Variants in XKR4 observed in about 807,000 individuals in gnomAD.
The protein encoded by XKR4 is XK-related protein 4.
In XKR4, 12 loss-of-function variants were observed where a neutral mutation model predicts 53.9. That is an observed-to-expected ratio of 0.22 (90% CI 0.14 to 0.36). The LOEUF (loss-of-function observed/expected upper bound fraction) is 0.36. Among genes scored for constraint, XKR4 ranks in the 10% least tolerant of loss-of-function variants. The pLI is 1.00. For missense variants in XKR4, 799 were observed against 859.5 expected, an observed-to-expected ratio of 0.93 and a Z score of 0.88; for synonymous variants, 354 against 362.4, an observed-to-expected ratio of 0.98 and a Z score of 0.26.
chr8:55,477,428 A>G (rs1471533063), intron 2 of XKR4, among the ~76,000 whole-genome samples: 1 of 152,146 alleles, frequency 6.6e-6, no homozygotes, highest in Non-Finnish European at 1.5e-5. Context: ...ACAAAGACCA[A>G]AAGTAGATAA....
intron 1 of XKR4, among the ~76,000 whole-genome samples, chr8:55,348,853 G>T (rs929577165): frequency 1.3e-5 from 2 of 152,064 alleles, no homozygotes; most frequent in African/African-American, 4.8e-5. Flanking sequence ...TACAGATAGA[G>T]AGATAGAGAT....
At chr8:55,478,962 C>A (rs1301953041) in intron 2 of XKR4, among the ~76,000 whole-genome samples, 4 of 152,038 alleles carry the variant, frequency 2.6e-5, no homozygotes, top group Non-Finnish European at 5.9e-5. Context: ...GAGACTTTAA[C>A]ACCCCACTGT....
chr8:55,463,316 G>A (rs574452711), intron 2 of XKR4, among the ~76,000 whole-genome samples: 43 of 152,240 alleles, frequency 2.8e-4, no homozygotes, highest in African/African-American at 9.9e-4. Context: ...TCAGGATTAA[G>A]AAACTCACTC....
At chr8:55,286,501 G>T (rs113295895) in intron 1 of XKR4, among the ~76,000 whole-genome samples, 1 of 152,114 alleles carries the variant, frequency 6.6e-6, no homozygotes, top group Non-Finnish European at 1.5e-5. Context: ...CTTCCTAGGG[G>T]ATACGGGGGC....
intron 1 of XKR4, among the ~76,000 whole-genome samples, chr8:55,301,348 G>A (rs1819193175): frequency 6.6e-6 from 1 of 151,916 alleles, no homozygotes; most frequent in Non-Finnish European, 1.5e-5. Flanking sequence ...TGGCTGCATA[G>A]TATTCCCTGG....
rs539042315 is a variant in XKR4 at position 55,386,264 on chromosome 8, G to A, written c.1006+28387G>A. ...CTCGTGAGTTCCTGGGTCCCTCGCG[G>A]AGTCTTCCCCAGAGTCCACTGCATG... On this transcript the variant is annotated intron_variant, in intron 2 of 2. Coordinates refer to ENST00000327381, the MANE Select transcript of XKR4 (RefSeq NM_052898.2). Among the ~76,000 whole-genome samples the A allele has an allele frequency of 7.9e-5, 12 of 152,274 alleles. No homozygotes were observed. In the South Asian group the frequency reaches 2.5e-3, roughly 32 times the overall value.
intron 1 of XKR4, among the ~76,000 whole-genome samples, chr8:55,171,597 A>G (rs1817158900): frequency 6.6e-6 from 1 of 152,120 alleles, no homozygotes; most frequent in South Asian, 2.1e-4. Flanking sequence ...CTTAGCACCT[A>G]AAACACATTT....
At chr8:55,465,562 G>A (rs1416146707) in intron 2 of XKR4, among the ~76,000 whole-genome samples, 7 of 151,860 alleles carry the variant, frequency 4.6e-5, no homozygotes, top group African/African-American at 1.5e-4. Context: ...ATACCATTCA[G>A]GACATAGGCA....
intron 1 of XKR4, among the ~76,000 whole-genome samples, chr8:55,283,678 C>T (rs1254843920): frequency 6.6e-6 from 1 of 152,142 alleles, no homozygotes; most frequent in Non-Finnish European, 1.5e-5. Flanking sequence ...GAGAAATAAA[C>T]TCCAATAAAA....
intron 2 of XKR4, among the ~76,000 whole-genome samples, chr8:55,475,460 A>G (rs1180632900): frequency 1.3e-5 from 2 of 152,000 alleles, no homozygotes. Context: ...TCTGTCATCC[A>G]GGCTGGAGAG....
intron 1 of XKR4, among the ~76,000 whole-genome samples, chr8:55,255,596 C>A (rs1410087577): frequency 6.6e-6 from 1 of 151,948 alleles, no homozygotes; most frequent in East Asian, 1.9e-4. Flanking sequence ...AAATGAACAA[C>A]CAAATCTAAA....
chr8:55,214,488 GAGA>G (rs1817774755), intron 1 of XKR4, among the ~76,000 whole-genome samples: 1 of 152,202 alleles, frequency 6.6e-6, no homozygotes, highest in Non-Finnish European at 1.5e-5. Context: ...ATAAATGAAT[GAGA>G]AGATTAATTT....
chr8:55,243,364 C>G (rs908022688), intron 1 of XKR4, among the ~76,000 whole-genome samples: 1 of 152,218 alleles, frequency 6.6e-6, no homozygotes, highest in East Asian at 1.9e-4. Flanking sequence ...TTGAAAACCA[C>G]TGATCTCTTT....
rs541545535 is a variant in XKR4, at chr8:55,191,160, G to C, written c.806+87866G>C. Among the ~76,000 whole-genome samples the C allele has an allele frequency of 6.6e-5, 10 of 152,188 alleles. No individual in the cohort carries two copies. In the East Asian group the frequency reaches 1.9e-3, roughly 29 times the overall value. On this transcript the variant is annotated intron_variant, in intron 1 of 2. Transcript: ENST00000327381. The stretch of plus-strand genomic sequence containing the variant: ...AGGGATCCTTCTCCAAGCTATTCAT[G>C]AGTCTGGAGAGTCTTCCATGCACAG...
intron 2 of XKR4, among the ~76,000 whole-genome samples, chr8:55,460,695 G>A (rs187733619): frequency 0.013 from 2,005 of 152,290 alleles, 28 homozygotes; most frequent in African/African-American, 0.038. Flanking sequence ...CGCCTCACCC[G>A]GGAAGCACAA....
intron 2 of XKR4, among the ~76,000 whole-genome samples, chr8:55,363,407 T>C (rs1450771060): frequency 6.6e-6 from 1 of 152,120 alleles, no homozygotes; most frequent in Non-Finnish European, 1.5e-5. Flanking sequence ...TAATTATTCC[T>C]CTCCTGTCTT....
chr8:55,179,156 C>T (rs901342457), intron 1 of XKR4, among the ~76,000 whole-genome samples: 5 of 152,060 alleles, frequency 3.3e-5, no homozygotes, highest in African/African-American at 1.2e-4. Context: ...GAAAAAAATC[C>T]TGACAATAAA....
chr8:55,386,331 C>A (rs2129388092), intron 2 of XKR4, among the ~76,000 whole-genome samples: 1 of 152,342 alleles, frequency 6.6e-6, no homozygotes, highest in African/African-American at 2.4e-5. Context: ...AGAGTCCCTG[C>A]AAAGGGAGTT....
chr8:55,306,086 A>T (rs1380574098), intron 1 of XKR4, among the ~76,000 whole-genome samples: 3 of 152,196 alleles, frequency 2.0e-5, no homozygotes, highest in Non-Finnish European at 2.9e-5. Flanking sequence ...TACAAACCAC[A>T]ATTTTGTTTA....
Sources: gnomAD v4.1 joint callset for allele counts (sites outside exome capture counted in the v4.1 genomes callset) on GRCh38, gnomAD v4.1.1 for gene constraint, MANE v1.5 for transcripts, NCBI Gene and HGNC (gene_info 2026-07-23, HGNC 2026-07-21) for gene names.